Variants in LRP1B observed in about 807,000 individuals in gnomAD.
LRP1B encodes the protein low-density lipoprotein receptor-related protein 1B.
A neutral mutation model predicts 556.6 loss-of-function variants in LRP1B; 217 were observed. That is an observed-to-expected ratio of 0.39 (90% CI 0.35 to 0.44). The LOEUF is 0.44. LRP1B is among the 20% of genes least tolerant of loss of function. LRP1B has a pLI of 1.00. For missense variants in LRP1B, 5,053 were observed against 5,620.8 expected (o/e 0.90, Z 3.23); for synonymous variants, 2,047 against 1,865.8 (o/e 1.10, Z -2.50).
At chr2:141,374,217 C>T (rs1273690997) in intron 3 of LRP1B, among the ~76,000 whole-genome samples, 2 of 152,128 alleles carry the variant, frequency 1.3e-5, no homozygotes, top group Non-Finnish European at 2.9e-5. Context: ...CTCTAATCAC[C>T]TGTAAGGTTT....
intron 11 of LRP1B, among the ~76,000 whole-genome samples, chr2:141,032,826 C>CATATATATATATATGTATATATAT (rs1698415002): frequency 7.9e-6 from 1 of 126,616 alleles, no homozygotes; most frequent in Non-Finnish European, 1.7e-5. Flanking sequence ...TATATACATA[C>CATATATATATATATGTATATATAT]ATATATATAT....
intron 1 of LRP1B, among the ~76,000 whole-genome samples, chr2:142,035,644 G>T (rs565439044): frequency 5.1e-4 from 77 of 151,656 alleles, no homozygotes; most frequent in Middle Eastern, 3.4e-3. Context: ...TCACGGGAAG[G>T]TCTAGTTTAA....
chr2:142,044,465 C>A (rs1704184915), intron 1 of LRP1B, among the ~76,000 whole-genome samples: 1 of 151,682 alleles, frequency 6.6e-6, no homozygotes, highest in Non-Finnish European at 1.5e-5. Flanking sequence ...GCTCCTCCTG[C>A]AGAGCAGAAA....
At chr2:140,891,734 T>C (rs1230869367) in intron 23 of LRP1B, among the ~76,000 whole-genome samples, 3 of 152,138 alleles carry the variant, frequency 2.0e-5, no homozygotes, top group African/African-American at 7.2e-5. Flanking sequence ...GCAGAGGGAA[T>C]AGAATCAATA....
intron 3 of LRP1B, among the ~76,000 whole-genome samples, chr2:141,313,353 G>A (rs190950135): frequency 2.9e-4 from 43 of 150,688 alleles, no homozygotes; most frequent in Admixed American, 2.8e-3. Flanking sequence ...CTCAAATTTT[G>A]TAAAAAAAGA....
At chr2:141,127,066 G>A (rs1330620421) in intron 7 of LRP1B, among the ~76,000 whole-genome samples, 2 of 149,314 alleles carry the variant, frequency 1.3e-5, no homozygotes, top group Admixed American at 6.7e-5. Flanking sequence ...GTGTCCATGT[G>A]TTCTCATTGT....
chr2:141,654,725 G>A (rs1689938027), intron 2 of LRP1B, among the ~76,000 whole-genome samples: 1 of 151,976 alleles, frequency 6.6e-6, no homozygotes, highest in Admixed American at 6.6e-5. Context: ...AGTACTCCTA[G>A]GGGTCCTTAA....
intron 7 of LRP1B, among the ~76,000 whole-genome samples, chr2:141,073,399 C>A (rs1176261879): frequency 6.6e-6 from 1 of 151,944 alleles, no homozygotes; most frequent in African/African-American, 2.4e-5. Context: ...TCCTACCTGG[C>A]TTGTTTTTCC....
In LRP1B at chr2:141,376,032, A is replaced by C. The variant is rs796595041; in HGVS notation, c.343+104364T>G. ...TTCAGTCTCAAAAGCAGTCCATAGT[A>C]GGGCAGTAAGGACCCTCCCAGGATT... On this transcript the variant is annotated intron_variant, in intron 3 of 90. Transcript: ENST00000389484. Among the ~76,000 whole-genome samples the C allele has an allele frequency of 1.6e-4, 24 of 152,266 alleles. 1 individual carries two copies. Among genetic ancestry groups the C allele is most frequent in the African/African-American group, 5.8e-4 (24 of 41,554 alleles).
intron 2 of LRP1B, among the ~76,000 whole-genome samples, chr2:141,655,864 C>T (rs1305168244): frequency 1.3e-5 from 2 of 152,130 alleles, no homozygotes; most frequent in Admixed American, 6.6e-5. Flanking sequence ...TTACTTTGCA[C>T]ACAAATGTAC....
chr2:141,195,119 A>G lies in LRP1B; in HGVS notation c.851-6536T>C, dbSNP rs148567897. 1.5e-3 allele frequency among the ~76,000 whole-genome samples: 228 copies of G among 152,220 alleles called. 6 individuals carry two copies. Among genetic ancestry groups the G allele is most frequent in the Admixed American group, 0.013 (203 of 15,290 alleles). ...CAGAATGTGGAAGAGATGATGGAGT[A>G]TGATTTCTGAGGGTAAGTCACAAAA... On this transcript the variant is annotated intron_variant, in intron 6 of 90. Transcript: ENST00000389484.
At chr2:141,079,745 T>C (rs1170089232) in intron 7 of LRP1B, among the ~76,000 whole-genome samples, 3 of 152,216 alleles carry the variant, frequency 2.0e-5, no homozygotes, top group African/African-American at 7.2e-5. Context: ...AAATTAATTT[T>C]ATGAAGACTA....
intron 35 of LRP1B, among the ~76,000 whole-genome samples, chr2:140,746,659 G>T (rs1407216499): frequency 2.0e-5 from 3 of 151,984 alleles, no homozygotes; most frequent in Non-Finnish European, 4.4e-5. Context: ...GCCATGTTTT[G>T]TTTTTTTCTC....
chr2:141,005,233 ATTTCTC>A (rs1365029935), intron 15 of LRP1B, 96 bp downstream of exon 15: 92 of 1,285,940 alleles, frequency 7.2e-5, no homozygotes, highest in Middle Eastern at 2.2e-4. Flanking sequence ...AATTATCTGA[ATTTCTC>A]TTTCCAAGTG....
At chr2:140,772,688 C>A (rs13024688) in intron 33 of LRP1B, among the ~76,000 whole-genome samples, 1 of 152,104 alleles carries the variant, frequency 6.6e-6, no homozygotes, top group East Asian at 1.9e-4. Flanking sequence ...TAATGCCAAT[C>A]TTTTAGAGAG....
At chr2:140,345,075 C>T (rs1412241420) in intron 77 of LRP1B, among the ~76,000 whole-genome samples, 1 of 151,712 alleles carries the variant, frequency 6.6e-6, no homozygotes, top group African/African-American at 2.4e-5. Context: ...CTGCTGCCAA[C>T]ATTTTGCTCA....
intron 2 of LRP1B, among the ~76,000 whole-genome samples, chr2:141,795,708 C>T (rs1695781072): frequency 6.6e-6 from 1 of 151,514 alleles, no homozygotes; most frequent in Admixed American, 6.6e-5. Flanking sequence ...GTCCTTAAGC[C>T]TGTTGCTTTA....
At chr2:141,059,344 G>A (rs1699275099) in intron 8 of LRP1B, among the ~76,000 whole-genome samples, 1 of 151,682 alleles carries the variant, frequency 6.6e-6, no homozygotes, top group South Asian at 2.1e-4. Context: ...GCTTGTGAGA[G>A]CAAGACTTTC....
chr2:140,269,195 G>A (rs1330439324), intron 86 of LRP1B: 1 of 453,624 alleles, frequency 2.2e-6, no homozygotes, highest in African/African-American at 2.0e-5. Flanking sequence ...GGATGTTCAT[G>A]ATTTAAACCA....
Sources: gnomAD v4.1 joint callset for allele counts (sites outside exome capture counted in the v4.1 genomes callset) on GRCh38, gnomAD v4.1.1 for gene constraint, MANE v1.5 for transcripts, NCBI Gene and HGNC (gene_info 2026-07-23, HGNC 2026-07-21) for gene names.